Variants in IL16 observed in about 807,000 individuals in gnomAD.
IL16 encodes the protein pro-interleukin-16.
A neutral mutation model predicts 110.1 loss-of-function variants in IL16; 67 were observed. That is an observed-to-expected ratio of 0.61 (90% CI 0.50 to 0.75). The LOEUF (loss-of-function observed/expected upper bound fraction) is 0.75, where lower values mean the gene tolerates loss of function less well. Ranked by LOEUF, IL16 falls within the 30% of genes least tolerant of loss-of-function variation. The probability of loss-of-function intolerance (pLI) is 0.00; values close to 1 mark genes in which losing one functional copy is unlikely to be tolerated. For missense variants in IL16, 1,545 were observed against 1,655.0 expected, an observed-to-expected ratio of 0.93 and a Z score of 1.15; for synonymous variants, 689 against 662.9, an observed-to-expected ratio of 1.04 and a Z score of -0.61.
intron 1 of IL16, among the ~76,000 whole-genome samples, chr15:81,199,030 A>AAAATATAT (rs1555411597): frequency 9.6e-6 from 1 of 104,150 alleles, no homozygotes; most frequent in African/African-American, 5.2e-5. Flanking sequence ...AAAAAAAAAA[A>AAAATATAT]ATATATATAT....
At chr15:81,264,526 C>T (rs963411215) in intron 3 of IL16, among the ~76,000 whole-genome samples, 1 of 152,316 alleles carries the variant, frequency 6.6e-6, no homozygotes, top group East Asian at 1.9e-4. Flanking sequence ...GCAAACCCAA[C>T]CCTGCTCCAT....
At chr15:81,200,653 G>A (rs762515448) in intron 1 of IL16, among the ~76,000 whole-genome samples, 11 of 152,174 alleles carry the variant, frequency 7.2e-5, no homozygotes, top group African/African-American at 2.4e-4. Context: ...TTAAAGTCGT[G>A]AGCCACCATG....
intron 2 of IL16, among the ~76,000 whole-genome samples, chr15:81,229,381 G>A (rs1399920407): frequency 1.3e-5 from 2 of 152,060 alleles, no homozygotes; most frequent in Non-Finnish European, 2.9e-5. Context: ...GAGGGATATG[G>A]GCTCGCAGGG....
chr15:81,215,135 G>C (rs1181251549), intron 1 of IL16, among the ~76,000 whole-genome samples: 2 of 151,814 alleles, frequency 1.3e-5, no homozygotes, highest in Non-Finnish European at 2.9e-5. Flanking sequence ...AGTCATTTCA[G>C]ACTGAGCAAA....
Position 81,292,544 on chromosome 15 carries a change from C to T in IL16, c.1421-12C>T, listed in dbSNP as rs1899777592. On this transcript the variant is annotated splice_polypyrimidine_tract_variant and intron_variant, in intron 11 of 18. Transcript: ENST00000683961. Reference sequence around the variant, plus strand: ...GCTCAGCTGTGAAGATTCTCTTGTGCTTCCCACACAGGTGTCAAAAGGCTG... The same window carrying T: ...GCTCAGCTGTGAAGATTCTCTTGTGTTTCCCACACAGGTGTCAAAAGGCTG... 1.9e-6 allele frequency: 3 copies of T among 1,609,470 alleles called. No homozygotes were observed. The highest frequency in any genetic ancestry group is 1.3e-5 in the African/African-American group (1 of 74,966).
intron 2 of IL16, among the ~76,000 whole-genome samples, chr15:81,227,524 G>C (rs1009940598): frequency 3.9e-5 from 6 of 152,104 alleles, no homozygotes; most frequent in Non-Finnish European, 8.8e-5. Flanking sequence ...GCATCAAGGA[G>C]ACCGGTATGC....
intron 8 of IL16, among the ~76,000 whole-genome samples, chr15:81,282,043 A>C (rs1341913725): frequency 6.6e-6 from 1 of 152,176 alleles, no homozygotes; most frequent in African/African-American, 2.4e-5. Context: ...AAACCCGTTC[A>C]CTGACATGCC....
At chr15:81,230,779 C>G (rs527709766) in intron 2 of IL16, among the ~76,000 whole-genome samples, 1 of 152,168 alleles carries the variant, frequency 6.6e-6, no homozygotes, top group Admixed American at 6.5e-5. Context: ...TCTGTGAAAT[C>G]TAAGCAATCT....
intron 5 of IL16, among the ~76,000 whole-genome samples, chr15:81,269,933 G>A (rs1898561122): frequency 6.6e-6 from 1 of 152,336 alleles, no homozygotes; most frequent in African/African-American, 2.4e-5. Context: ...TGGCACAGTA[G>A]TTTCCAGGAC....
At position 81,265,714 on chromosome 15, in the gene IL16, A is replaced by C. The variant is rs1490086071; in HGVS notation, c.477A>C (p.Ala159=). The C allele has an allele frequency of 6.2e-7, 1 of 1,613,870 alleles. No individual in the cohort carries two copies. The highest frequency in any genetic ancestry group is 8.5e-7 in the Non-Finnish European group (1 of 1,179,816). The change falls in exon 4 of 19, where the codon GCA becomes GCC. Residue 159 remains alanine (A), a synonymous_variant. Transcript: ENST00000683961. The stretch of plus-strand genomic sequence containing the variant: ...ATTTTCCAATGACCAAGAAATCTGC[A>C]GCGCCCACGGACAGGCAGCCTTACT... ...EIDFPMTKKS[A]APTDRQPYSL... is the part of the protein sequence containing the mutation.
chr15:81,183,062 TGTAA>T (rs1005385988), intron 1 of IL16, among the ~76,000 whole-genome samples: 3 of 152,056 alleles, frequency 2.0e-5, no homozygotes, highest in African/African-American at 7.2e-5. Context: ...TGTGCACACG[TGTAA>T]GTGTGTGCAC....
intron 2 of IL16, among the ~76,000 whole-genome samples, chr15:81,253,860 T>C (rs1897854329): frequency 6.6e-6 from 1 of 152,232 alleles, no homozygotes. Flanking sequence ...ACATGGGAAC[T>C]GCAGTCATGC....
intron 16 of IL16, among the ~76,000 whole-genome samples, chr15:81,304,725 C>A (rs1410248488): frequency 6.6e-5 from 10 of 152,178 alleles, no homozygotes; most frequent in Admixed American, 5.2e-4. Flanking sequence ...TAAAAATCCT[C>A]TAGCATTGAG....
At chr15:81,205,842 T>C (rs117196289) in intron 1 of IL16, among the ~76,000 whole-genome samples, 1 of 152,022 alleles carries the variant, frequency 6.6e-6, no homozygotes, top group Admixed American at 6.5e-5. Context: ...CAAATGCAAA[T>C]TAAAAGAAAG....
intron 1 of IL16, among the ~76,000 whole-genome samples, chr15:81,184,890 C>G (rs1364316394): frequency 2.0e-5 from 3 of 152,170 alleles, no homozygotes; most frequent in South Asian, 4.1e-4. Context: ...TTCACATGTG[C>G]AGATTCTGAG....
intron 2 of IL16, among the ~76,000 whole-genome samples, chr15:81,227,946 T>C (rs1293557185): frequency 6.6e-6 from 1 of 152,000 alleles, no homozygotes; most frequent in Admixed American, 6.5e-5. Context: ...CTTGAGCACC[T>C]GGGGGTAGTA....
At chr15:81,228,014 G>A (rs1195377977) in intron 2 of IL16, among the ~76,000 whole-genome samples, 1 of 152,118 alleles carries the variant, frequency 6.6e-6, no homozygotes, top group East Asian at 1.9e-4. Context: ...AAAATGGTCA[G>A]GAAAATGGTG....
intron 2 of IL16, among the ~76,000 whole-genome samples, chr15:81,226,742 G>C (rs1046701327): frequency 3.3e-5 from 5 of 152,124 alleles, no homozygotes; most frequent in African/African-American, 1.2e-4. Context: ...AATATGTCCT[G>C]CACTCACTTA....
chr15:81,232,526 G>A lies in IL16; in HGVS notation c.312+6815G>A, dbSNP rs549105708. On this transcript the variant is annotated intron_variant, in intron 2 of 18. Transcript: ENST00000683961. ...GGAAGTTTGCCTCTGTTCACAATTG[G>A]CAGAGGTTTTATTTTGCCCGCCACC... Among the ~76,000 whole-genome samples the A allele has an allele frequency of 3.1e-4, 47 of 152,172 alleles. No individual in the cohort carries two copies. The South Asian group carries it at 7.1e-3, about 23-fold the overall frequency.
Sources: gnomAD v4.1 joint callset for allele counts (sites outside exome capture counted in the v4.1 genomes callset) on GRCh38, gnomAD v4.1.1 for gene constraint, MANE v1.5 for transcripts, NCBI Gene and HGNC (gene_info 2026-07-23, HGNC 2026-07-21) for gene names.